The following CLHC1 variants were observed in gnomAD, a reference collection of about 807,000 sequenced individuals.
CLHC1 encodes the protein clathrin heavy chain linker domain containing 1.
In CLHC1, 72 loss-of-function variants were observed where a neutral mutation model predicts 69.5. The observed-to-expected ratio is 1.04, with a 90% CI of 0.86 to 1.26. The LOEUF is 1.26. Among genes scored for constraint, CLHC1 ranks in the 50% most tolerant of loss-of-function variants. CLHC1 has a pLI of 0.00. For missense variants in CLHC1, 790 were observed against 679.3 expected, an observed-to-expected ratio of 1.16 and a Z score of -1.81; for synonymous variants, 223 against 224.3, an observed-to-expected ratio of 0.99 and a Z score of 0.05.
chr2:55,223,845 G>A (rs188895464), intron 2 of CLHC1, among the ~76,000 whole-genome samples: 26 of 152,134 alleles, frequency 1.7e-4, no homozygotes, highest in African/African-American at 5.1e-4. Flanking sequence ...GCCCAGGCTG[G>A]AGTGCAGCGG....
intron 9 of CLHC1, among the ~76,000 whole-genome samples, chr2:55,184,830 A>G (rs1012841962): frequency 2.0e-5 from 3 of 151,412 alleles, no homozygotes; most frequent in African/African-American, 7.3e-5. Context: ...GCTTGAACCC[A>G]GGAAGCGGAG....
intron 9 of CLHC1, among the ~76,000 whole-genome samples, chr2:55,185,527 A>G (rs964142567): frequency 1.1e-4 from 16 of 151,994 alleles, no homozygotes; most frequent in Non-Finnish European, 2.2e-4. Flanking sequence ...CACTAGAATC[A>G]CTCTACATGT....
At chr2:55,213,751 C>T (rs1168529239) in intron 4 of CLHC1, among the ~76,000 whole-genome samples, 1 of 152,146 alleles carries the variant, frequency 6.6e-6, no homozygotes, top group Admixed American at 6.5e-5. Context: ...ATTTTTGACA[C>T]TTGTTAAAGC....
intron 9 of CLHC1, among the ~76,000 whole-genome samples, chr2:55,200,819 A>G (rs1231469023): frequency 6.6e-6 from 1 of 152,216 alleles, no homozygotes; most frequent in Non-Finnish European, 1.5e-5. Context: ...AATTGAAATA[A>G]TATCAAGCAT....
At chr2:55,197,314 C>T (rs1175031443) in intron 9 of CLHC1, among the ~76,000 whole-genome samples, 5 of 152,198 alleles carry the variant, frequency 3.3e-5, no homozygotes, top group Admixed American at 2.6e-4. Flanking sequence ...GGCTTCACCA[C>T]CTGTTGATTG....
chr2:55,217,062 G>A lies in CLHC1; in HGVS notation c.365+749C>T, dbSNP rs536061515. Among the ~76,000 whole-genome samples the A allele has an allele frequency of 2.2e-3, 338 of 152,184 alleles. 1 individual carries two copies. The highest frequency in any genetic ancestry group is 3.4e-3 in the Non-Finnish European group (233 of 68,002). The stretch of plus-strand genomic sequence containing the variant: ...ATACAAAAATTAGCCAGGCGTGGTA[G>A]CTTGTGCCTGTAGCCCCAGCTACTT... On this transcript the variant is annotated intron_variant, in intron 4 of 12. Coordinates refer to ENST00000401408, the MANE Select transcript of CLHC1 (RefSeq NM_152385.4).
Position 55,180,511 on chromosome 2 carries a change from G to C in CLHC1, c.1383C>G (p.Thr461=). 6.2e-7 allele frequency: 1 copy of C among 1,609,468 alleles called. No individual in the cohort carries two copies. Among genetic ancestry groups the C allele is most frequent in the Non-Finnish European group, 8.5e-7 (1 of 1,176,196 alleles). ...CAAATGGCAGACTTTTTAACTTACCGGTAGTAAAGTCCTTCAACTGCTGTA... is the reference window on the plus strand; with the variant it reads ...CAAATGGCAGACTTTTTAACTTACCCGTAGTAAAGTCCTTCAACTGCTGTA... ...EYIQQLKDFT[T]DDLLQLLMSC... is the part of the protein sequence containing the mutation. Residue 461 remains threonine, a splice_region_variant and synonymous_variant, in exon 11 of 13, where the codon ACC becomes ACG. Coordinates refer to ENST00000401408, the MANE Select transcript of CLHC1 (RefSeq NM_152385.4).
At chr2:55,196,588 T>G (rs1037109945) in intron 9 of CLHC1, among the ~76,000 whole-genome samples, 1 of 152,162 alleles carries the variant, frequency 6.6e-6, no homozygotes, top group African/African-American at 2.4e-5. Context: ...GACACACACT[T>G]GTCAGAAGGG....
At position 55,175,622 on chromosome 2, in the gene CLHC1, T is replaced by A; in HGVS notation, c.*168A>T. The A allele has an allele frequency of 1.8e-6, 1 of 562,482 alleles. No homozygotes were observed. Among genetic ancestry groups the A allele is most frequent in the Non-Finnish European group, 3.1e-6 (1 of 318,090 alleles). 34.8% of individuals were successfully genotyped at this position (562,482 alleles called of 1,614,324 possible). A position where few individuals can be genotyped will look rare whatever the true frequency, so the allele number is the denominator to read the frequency against. ...ATATGGGGAAAAGGAAGCAATAGTA[T>A]AAATATTTCAAAGACAAATCTAAAT... On this transcript the variant is annotated 3_prime_UTR_variant, in exon 13 of 13. Transcript: ENST00000401408.
chr2:55,197,625 C>T (rs139524943), intron 9 of CLHC1, among the ~76,000 whole-genome samples: 16 of 152,210 alleles, frequency 1.1e-4, no homozygotes, highest in African/African-American at 2.4e-4. Context: ...TATCCAAAAC[C>T]GCAAAGGTGG....
chr2:55,208,650 T>G lies in CLHC1; in HGVS notation c.875A>C (p.Glu292Ala). 3.7e-6 allele frequency: 6 copies of G among 1,611,146 alleles called. No homozygotes were observed. The highest frequency in any genetic ancestry group is 5.1e-6 in the Non-Finnish European group (6 of 1,177,518). ...EDDPRRAKEA[E>A]IMLHYIERFN... The stretch of plus-strand genomic sequence containing the variant: ...CCTTTCAATGTAGTGAAGCATAATT[T>G]CAGCTTCTTTTGCCCTGCGTGGATC... Residue 292 changes from glutamate to alanine, a missense_variant, in exon 8 of 13, where the codon GAA becomes GCA. Glu to Ala is a moderately radical substitution (Grantham distance 107). Transcript: ENST00000401408.
At position 55,181,620 on chromosome 2, in the gene CLHC1, T is replaced by C; in HGVS notation, c.1131A>G (p.Gly377=). 1 of 1,613,496 alleles carries C rather than the reference T, an allele frequency of 6.2e-7. No individual in the cohort carries two copies. The highest frequency in any genetic ancestry group is 8.5e-7 in the Non-Finnish European group (1 of 1,179,872). The change falls in exon 10 of 13, where the codon GGA becomes GGG. Residue 377 remains glycine (G), a synonymous_variant. Transcript: ENST00000401408. ...AALTLEGIKC[G]LSEKRLDLVT... Reference sequence around the variant, plus strand: ...CTAAATCTAACCGTTTTTCTGATAATCCACATTTGATTCCTTCCAGGGTTA... The same window carrying C: ...CTAAATCTAACCGTTTTTCTGATAACCCACATTTGATTCCTTCCAGGGTTA...
intron 4 of CLHC1, chr2:55,214,497 G>C (rs1045632865): frequency 6.6e-6 from 1 of 152,274 alleles, no homozygotes; most frequent in Non-Finnish European, 1.5e-5. Context: ...GACAGGGCAA[G>C]ATTCCGTCTC....
chr2:55,183,528 C>T (rs4671242), intron 9 of CLHC1, among the ~76,000 whole-genome samples: 73,719 of 151,952 alleles, frequency 0.49, 18,034 homozygotes, highest in East Asian at 0.51. Flanking sequence ...ATAGATTCTG[C>T]GTCCGATTGA....
intron 3 of CLHC1, among the ~76,000 whole-genome samples, chr2:55,222,004 T>C (rs1217961517): frequency 6.6e-6 from 1 of 152,200 alleles, no homozygotes; most frequent in Non-Finnish European, 1.5e-5. Flanking sequence ...AAACTTATAA[T>C]CTGCTCTCAA....
At chr2:55,219,169 A>AT (rs879701664) in intron 3 of CLHC1, among the ~76,000 whole-genome samples, 1 of 152,182 alleles carries the variant, frequency 6.6e-6, no homozygotes, top group Non-Finnish European at 1.5e-5. Context: ...GCTCCTGGCC[A>AT]TCTACTTCAT....
At chr2:55,195,561 G>A (rs1409342906) in intron 9 of CLHC1, among the ~76,000 whole-genome samples, 4 of 152,102 alleles carry the variant, frequency 2.6e-5, no homozygotes, top group African/African-American at 4.8e-5. Context: ...CAGCACTTTC[G>A]GAGGCCAAGG....
chr2:55,186,998 G>A (rs924278130), intron 9 of CLHC1, among the ~76,000 whole-genome samples: 30 of 152,086 alleles, frequency 2.0e-4, no homozygotes, highest in African/African-American at 6.3e-4. Flanking sequence ...CAGGCGCGGT[G>A]GCTCAGGCCT....
At chr2:55,217,760 T>TATAATCA in intron 4 of CLHC1, 51 bp downstream of exon 4, 1 of 1,223,738 alleles carries the variant, frequency 8.2e-7, no homozygotes, top group Non-Finnish European at 1.1e-6. Context: ...GGCTAGTTAT[T>TATAATCA]ATAATCAAGC....
Sources: allele counts gnomAD v4.1 joint callset (sites outside exome capture counted in the v4.1 genomes callset), GRCh38; gene constraint gnomAD v4.1.1; transcripts MANE v1.5; gene names NCBI Gene and HGNC (gene_info 2026-07-23, HGNC 2026-07-21).